The following TTC23 variants were observed in gnomAD, a reference collection of about 807,000 sequenced individuals.
The protein encoded by TTC23 is tetratricopeptide repeat protein 23.
In TTC23, 58 loss-of-function variants were observed where a neutral mutation model predicts 55.1. The ratio of observed to expected loss-of-function variants is 1.05; its 90% CI spans 0.85 to 1.31. The LOEUF is 1.31. Among genes scored for constraint, TTC23 ranks in the 50% most tolerant of loss-of-function variants. The pLI is 0.00. For missense variants in TTC23, 516 were observed against 534.4 expected (o/e 0.97, Z 0.34); for synonymous variants, 203 against 199.9 (o/e 1.02, Z -0.13).
At chr15:99,207,483 G>T (rs139574557) in intron 8 of TTC23, among the ~76,000 whole-genome samples, 65 of 152,310 alleles carry the variant, frequency 4.3e-4, no homozygotes, top group African/African-American at 1.5e-3. Flanking sequence ...TAAGGGCCAG[G>T]TGCGGTAGCT....
chr15:99,173,577 C>A (rs2073199775), intron 10 of TTC23, among the ~76,000 whole-genome samples: 1 of 151,824 alleles, frequency 6.6e-6, no homozygotes, highest in African/African-American at 2.4e-5. Context: ...CAGAGTGAGA[C>A]CCTGTCTCTA....
intron 10 of TTC23, among the ~76,000 whole-genome samples, chr15:99,172,572 T>C (rs374103802): frequency 2.6e-5 from 4 of 152,184 alleles, no homozygotes; most frequent in African/African-American, 7.2e-5. Flanking sequence ...GCTGCCTGGG[T>C]TCATATCTTT....
intron 8 of TTC23, among the ~76,000 whole-genome samples, chr15:99,214,274 G>A (rs1020760496): frequency 3.3e-5 from 5 of 151,908 alleles, no homozygotes; most frequent in Admixed American, 2.0e-4. Flanking sequence ...TTGGGAGGCC[G>A]AGGTGGGCAC....
At chr15:99,157,449 T>C (rs1364442157) in intron 11 of TTC23, 1 of 152,132 alleles carries the variant, frequency 6.6e-6, no homozygotes, top group Non-Finnish European at 1.5e-5. Context: ...TGACCTCAAG[T>C]GATCCACCCA....
chr15:99,199,404 C>CAAA (rs35189767), intron 9 of TTC23, among the ~76,000 whole-genome samples: 6 of 58,172 alleles, frequency 1.0e-4, no homozygotes, highest in East Asian at 5.9e-4. Context: ...CCTGTCTCTC[C>CAAA]AAAAAAAAAA....
chr15:99,218,980 G>A lies in TTC23; in HGVS notation c.373C>T (p.Pro125Ser). The change falls in exon 7 of 14, where the codon CCC (proline) becomes TCC (serine). Residue 125 changes from proline to serine, a missense_variant. Transcript: ENST00000394132. ...RQILANSIVP[P>S]YSENTDVFKF... ...AAAACATCTGTATTCTCACTATAGG[G>A]AGGCACAATGGAGTTGGCGAGGATT... 1 of 1,614,218 alleles carries A rather than the reference G, an allele frequency of 6.2e-7. No homozygotes were observed. Among genetic ancestry groups the A allele is most frequent in the Non-Finnish European group, 8.5e-7 (1 of 1,180,030 alleles).
intron 2 of TTC23, among the ~76,000 whole-genome samples, chr15:99,242,788 T>C (rs529094979): frequency 6.6e-6 from 1 of 152,236 alleles, no homozygotes; most frequent in South Asian, 2.1e-4. Context: ...CATTATCCAA[T>C]CATGATTAAA....
Position 99,137,810 on chromosome 15 carries a change from A to T in TTC23, c.*200T>A. 1 of 786,366 alleles carries T rather than the reference A, an allele frequency of 1.3e-6. No individual in the cohort carries two copies. Among genetic ancestry groups the T allele is most frequent in the East Asian group, 2.8e-5 (1 of 36,256 alleles). The allele number at this position is 786,366 out of a possible 1,614,324, so 48.7% of individuals were successfully genotyped here. A position where few individuals can be genotyped will look rare whatever the true frequency, so the allele number is the denominator to read the frequency against. On this transcript the variant is annotated 3_prime_UTR_variant, in exon 14 of 14. Transcript: ENST00000394132. ...GTGATAGAAAACTGCTTTATAGCAT[A>T]TATCACCCTGAAGGGCATCCACTGT...
chr15:99,209,483 T>C (rs562699617), intron 8 of TTC23, among the ~76,000 whole-genome samples: 4 of 152,178 alleles, frequency 2.6e-5, no homozygotes, highest in Non-Finnish European at 5.9e-5. Flanking sequence ...GGTCAGGAGC[T>C]TGGACACTAG....
intron 9 of TTC23, among the ~76,000 whole-genome samples, chr15:99,175,851 C>T (rs984327479): frequency 2.0e-5 from 3 of 152,186 alleles, no homozygotes; most frequent in African/African-American, 4.8e-5. Context: ...AAAAATTAGC[C>T]GGGTATGGTG....
Position 99,139,297 on chromosome 15 carries a change from T to C in TTC23, c.1226+20A>G. On this transcript the variant is annotated intron_variant, in intron 13 of 13. Transcript: ENST00000394132. ...TGGAAAGGGAATGAGATAGAGAAAG[T>C]GTGAGGGACGCCAACTCACGTGGAC... 6.2e-7 allele frequency: 1 copy of C among 1,608,854 alleles called. No homozygotes were observed. The highest frequency in any genetic ancestry group is 1.3e-5 in the African/African-American group (1 of 74,960).
At chr15:99,250,667 A>T (rs1332195480), upstream of TTC23, among the ~76,000 whole-genome samples, 1 of 152,232 alleles carries the variant, frequency 6.6e-6, no homozygotes, top group East Asian at 1.9e-4. Context: ...CTGACATAAT[A>T]ATTTTCGTCT....
intron 5 of TTC23, among the ~76,000 whole-genome samples, chr15:99,224,369 A>G (rs531665020): frequency 6.6e-6 from 1 of 152,324 alleles, no homozygotes; most frequent in African/African-American, 2.4e-5. Context: ...CTATCTTTAT[A>G]TATTTTTTCT....
intron 11 of TTC23, chr15:99,159,509 G>A (rs2071067628): frequency 6.6e-6 from 1 of 152,342 alleles, no homozygotes; most frequent in South Asian, 2.1e-4. Flanking sequence ...AAGAAATGAA[G>A]AATGGGTTAG....
At chr15:99,195,979 C>CAT (rs1295054321) in intron 9 of TTC23, among the ~76,000 whole-genome samples, 1 of 151,224 alleles carries the variant, frequency 6.6e-6, no homozygotes, top group Non-Finnish European at 1.5e-5. Flanking sequence ...CATGGTGAAA[C>CAT]CCTGTCTCTA....
At chr15:99,227,014 T>C (rs2078501767) in intron 5 of TTC23, among the ~76,000 whole-genome samples, 1 of 152,210 alleles carries the variant, frequency 6.6e-6, no homozygotes, top group Non-Finnish European at 1.5e-5. Context: ...AAGAAGTTAA[T>C]TCTTTACATT....
chr15:99,183,719 G>A (rs2074392575), intron 9 of TTC23, among the ~76,000 whole-genome samples: 1 of 152,140 alleles, frequency 6.6e-6, no homozygotes, highest in Non-Finnish European at 1.5e-5. Flanking sequence ...GCCTGACAAT[G>A]CAGTAGAAAA....
At chr15:99,219,138 C>A in intron 6 of TTC23, 90 bp from the exon 7 acceptor site, 1 of 1,434,938 alleles carries the variant, frequency 7.0e-7, no homozygotes, top group Admixed American at 2.0e-5. Context: ...CTAACAAGGT[C>A]TCCTTCACAT....
intron 8 of TTC23, 59 bp downstream of exon 8, chr15:99,218,529 T>C: frequency 6.2e-7 from 1 of 1,608,538 alleles, no homozygotes; most frequent in Non-Finnish European, 8.5e-7. Context: ...CTGAGACAGA[T>C]TCTACAGGCA....
Sources: allele counts gnomAD v4.1 joint callset (sites outside exome capture counted in the v4.1 genomes callset), GRCh38; gene constraint gnomAD v4.1.1; transcripts MANE v1.5; gene names NCBI Gene and HGNC (gene_info 2026-07-23, HGNC 2026-07-21).